The following BROX variants were observed in gnomAD, a reference collection of about 807,000 sequenced individuals.
BROX encodes the protein BRO1 domain and CAAX motif containing.
In BROX, 53 loss-of-function variants were observed where a neutral mutation model predicts 61.0. The ratio of observed to expected loss-of-function variants is 0.87; its 90% CI spans 0.70 to 1.09. The LOEUF (loss-of-function observed/expected upper bound fraction) is 1.09, where lower values mean the gene tolerates loss of function less well. Among genes scored for constraint, BROX ranks in the 50% least tolerant of loss-of-function variants. The pLI is 0.00. For synonymous variants in BROX, 152 were observed against 160.2 expected, an observed-to-expected ratio of 0.95 and a Z score of 0.38; for missense variants, 489 against 472.0, an observed-to-expected ratio of 1.04 and a Z score of -0.33.
At chr1:222,727,135 A>C (rs753825180) in intron 7 of BROX, 33 bp from the exon 8 acceptor site, 2 of 1,423,068 alleles carry the variant, frequency 1.4e-6, no homozygotes, top group South Asian at 2.4e-5. Flanking sequence ...AGTGAGCTTA[A>C]TTATAGATTC....
intron 7 of BROX, 30 bp from the exon 8 acceptor site, chr1:222,727,138 A>G: frequency 1.4e-6 from 2 of 1,446,760 alleles, no homozygotes; most frequent in Middle Eastern, 1.8e-4. Flanking sequence ...GAGCTTAATT[A>G]TAGATTCACT....
intron 9 of BROX, among the ~76,000 whole-genome samples, chr1:222,729,354 C>T (rs988452425): frequency 1.3e-5 from 2 of 152,172 alleles, no homozygotes; most frequent in Non-Finnish European, 2.9e-5. Context: ...ACAATAATTT[C>T]CTCCTTTATC....
intron 12 of BROX, among the ~76,000 whole-genome samples, chr1:222,732,240 T>A (rs1294139876): frequency 6.6e-6 from 1 of 152,102 alleles, no homozygotes; most frequent in Admixed American, 6.6e-5. Context: ...ATACTTTAAG[T>A]TTTAGGGTAC....
In BROX at chr1:222,730,030, A is replaced by G; in HGVS notation, c.842A>G (p.Tyr281Cys). The G allele has an allele frequency of 6.2e-7, 1 of 1,602,678 alleles. No homozygotes were observed. Among genetic ancestry groups the G allele is most frequent in the Non-Finnish European group, 8.5e-7 (1 of 1,176,442 alleles). Residue 281 changes from tyrosine (Y) to cysteine (C), a missense_variant, in exon 11 of 13, where the codon TAT becomes TGT. Transcript: ENST00000340934. Reference protein sequence around the residue: ...IRSLQEAEKLYAKAEALCKEY... With the variant: ...IRSLQEAEKLCAKAEALCKEY... ...TTTAAATCTCTTTCACATGCAGTGTATGCAAAGGCAGAAGCACTGTGTAAA... is the reference window on the plus strand; with the variant it reads ...TTTAAATCTCTTTCACATGCAGTGTGTGCAAAGGCAGAAGCACTGTGTAAA...
In BROX at chr1:222,725,522, T is replaced by TACTA; in HGVS notation, c.549_550insTAAC (p.Val184Ter). Reference sequence around the variant, plus strand: ...TTTAGAGTCACGACTCATAGAAGCATACGTTATTCAATGTCAGGCTGAAGC... The same window carrying TACTA: ...TTTAGAGTCACGACTCATAGAAGCATACTAACGTTATTCAATGTCAGGCTGAAGC... On this transcript the variant is annotated stop_gained and frameshift_variant, in exon 7 of 13. Coordinates refer to ENST00000340934, the MANE Select transcript of BROX (RefSeq NM_144695.4). LOFTEE classifies it high-confidence loss of function. 6.2e-7 allele frequency: 1 copy of TACTA among 1,612,786 alleles called. No homozygotes were observed. Among genetic ancestry groups the TACTA allele is most frequent in the Non-Finnish European group, 8.5e-7 (1 of 1,179,306 alleles).
At chr1:222,716,008 G>C (rs1015815566) in intron 2 of BROX, among the ~76,000 whole-genome samples, 4 of 152,240 alleles carry the variant, frequency 2.6e-5, no homozygotes, top group African/African-American at 9.6e-5. Context: ...AGAGGCTAAA[G>C]CAATCACAGT....
chr1:222,717,387 C>A (rs11485184), intron 2 of BROX, among the ~76,000 whole-genome samples: 52 of 152,136 alleles, frequency 3.4e-4, no homozygotes, highest in African/African-American at 1.1e-3. Context: ...ATAAAATGAA[C>A]AGCCTAAATT....
intron 7 of BROX, among the ~76,000 whole-genome samples, chr1:222,726,494 A>T (rs887258380): frequency 1.3e-5 from 2 of 152,160 alleles, no homozygotes; most frequent in Non-Finnish European, 2.9e-5. Context: ...AGGCAGGCAG[A>T]TCACCTGAGG....
At position 222,715,731 on chromosome 1, in the gene BROX, A is replaced by C; in HGVS notation, c.32A>C (p.Lys11Thr). The change falls in exon 2 of 13, where the codon AAA becomes ACA. Residue 11 changes from lysine (K) to threonine (T), a missense_variant. Transcript: ENST00000340934. MTHWFHRNPLKATAPVSFNYY... is the reference protein window; with the variant it reads MTHWFHRNPLTATAPVSFNYY... Reference sequence around the variant, plus strand: ...CATTGGTTTCATAGGAACCCATTAAAAGCCACAGCTCCTGTGTCTTTTAAT... The same window carrying C: ...CATTGGTTTCATAGGAACCCATTAACAGCCACAGCTCCTGTGTCTTTTAAT... The C allele has an allele frequency of 6.3e-7, 1 of 1,585,482 alleles. No individual in the cohort carries two copies. Among genetic ancestry groups the C allele is most frequent in the Non-Finnish European group, 8.6e-7 (1 of 1,164,636 alleles).
chr1:222,726,455 G>A (rs910245757), intron 7 of BROX, among the ~76,000 whole-genome samples: 10 of 152,106 alleles, frequency 6.6e-5, no homozygotes, highest in Non-Finnish European at 1.5e-4. Flanking sequence ...GGTGGCTCAC[G>A]CCTGTAATCT....
intron 5 of BROX, among the ~76,000 whole-genome samples, chr1:222,722,909 T>C (rs370506486): frequency 6.6e-6 from 1 of 152,166 alleles, no homozygotes; most frequent in Non-Finnish European, 1.5e-5. Context: ...GTCAAATCAA[T>C]TGAAAAGCAA....
At position 222,719,486 on chromosome 1, in the gene BROX, A is replaced by G. The variant is rs552438909; in HGVS notation, c.305+127A>G. On this transcript the variant is annotated intron_variant, in intron 4 of 12. Transcript: ENST00000340934. ...CTGCTCAGCGTTTTCTCTTACCAGG[A>G]AATTAATTAAAAGCATTTTACCTCA... 10 of 640,958 alleles carry G rather than the reference A, an allele frequency of 1.6e-5. No homozygotes were observed. The East Asian group carries it at 2.6e-4, about 17-fold the overall frequency. 39.7% of individuals were successfully genotyped at this position (640,958 alleles called of 1,614,324 possible). A position where few individuals can be genotyped will look rare whatever the true frequency, so the allele number is the denominator to read the frequency against.
chr1:222,713,412 C>T (rs1656231128), intron 1 of BROX: 10 of 985,420 alleles, frequency 1.0e-5, no homozygotes, highest in Non-Finnish European at 9.6e-6. Flanking sequence ...GGGGGCGGCG[C>T]TCAGGTAGGT....
chr1:222,729,524 G>C, intron 9 of BROX, 96 bp from the exon 10 acceptor site: 1 of 847,404 alleles, frequency 1.2e-6, no homozygotes, highest in Non-Finnish European at 1.9e-6. Flanking sequence ...ATACTTCAGT[G>C]TATGAAGGTA....
At position 222,729,618 on chromosome 1, in the gene BROX, A is replaced by C; in HGVS notation, c.757-2A>C. The C allele has an allele frequency of 6.2e-7, 1 of 1,607,370 alleles. No homozygotes were observed. Among genetic ancestry groups the C allele is most frequent in the Non-Finnish European group, 8.5e-7 (1 of 1,175,092 alleles). On this transcript the variant is annotated splice_acceptor_variant, in intron 9 of 12. Transcript: ENST00000340934. LOFTEE classifies it high-confidence loss of function. Reference sequence around the variant, plus strand: ...GAATAAAAAATTTGTTTATTTCATCAGGCTTACTGTTACCATGGTGAGACT... The same window carrying C: ...GAATAAAAAATTTGTTTATTTCATCCGGCTTACTGTTACCATGGTGAGACT...
At chr1:222,727,741 GGAA>G (rs575142458) in intron 8 of BROX, among the ~76,000 whole-genome samples, 111 of 152,200 alleles carry the variant, frequency 7.3e-4, no homozygotes, top group African/African-American at 2.5e-3. Flanking sequence ...TGCAGTTTAG[GGAA>G]GAAGACAAAC....
chr1:222,721,703 A>T (rs1466793195), intron 4 of BROX, among the ~76,000 whole-genome samples: 3 of 152,192 alleles, frequency 2.0e-5, no homozygotes, highest in Non-Finnish European at 4.4e-5. Context: ...AAGGTATAAA[A>T]TATACTTGTG....
At chr1:222,727,690 T>G (rs1657609567) in intron 8 of BROX, among the ~76,000 whole-genome samples, 1 of 152,180 alleles carries the variant, frequency 6.6e-6, no homozygotes. Context: ...TATGGGATAG[T>G]TACTGTTTTT....
chr1:222,715,819 C>A lies in BROX; in HGVS notation c.101+19C>A. 6.7e-7 allele frequency: 1 copy of A among 1,502,322 alleles called. No individual in the cohort carries two copies. The highest frequency in any genetic ancestry group is 9.2e-7 in the Non-Finnish European group (1 of 1,092,166). The allele number at this position is 1,502,322 out of a possible 1,614,324, so 93.1% of individuals were successfully genotyped here. ...TATGCAAGTAAGTTTATTGATTGAA[C>A]CACTCTTAGATGCAAGGTACTTTTT... is the stretch of plus-strand genomic sequence containing the variant. On this transcript the variant is annotated intron_variant, in intron 2 of 12. Transcript: ENST00000340934.
Sources: allele counts gnomAD v4.1 joint callset (sites outside exome capture counted in the v4.1 genomes callset), GRCh38; gene constraint gnomAD v4.1.1; transcripts MANE v1.5; gene names NCBI Gene and HGNC (gene_info 2026-07-23, HGNC 2026-07-21).